GPC6: variants seen among roughly 807,000 people sequenced by gnomAD.
GPC6 encodes the protein glypican-6.
Under a neutral mutation model 55.2 loss-of-function variants are expected in GPC6, and 14 were observed. That is an observed-to-expected ratio of 0.25 (90% CI 0.17 to 0.40). GPC6 has a LOEUF of 0.40. Among genes scored for constraint, GPC6 ranks in the 10% least tolerant of loss-of-function variants. GPC6 has a pLI of 1.00. For missense variants in GPC6, 641 were observed against 708.5 expected (o/e 0.90, Z 1.08); for synonymous variants, 278 against 259.6 (o/e 1.07, Z -0.68).
chr13:94,361,437 A>G (rs1358506250), intron 6 of GPC6, among the ~76,000 whole-genome samples: 1 of 152,252 alleles, frequency 6.6e-6, no homozygotes, highest in Admixed American at 6.5e-5. Context: ...TCCTGAGGAC[A>G]GGGACTGTTT....
intron 4 of GPC6, among the ~76,000 whole-genome samples, chr13:94,158,372 T>C (rs9589917): frequency 0.047 from 3,790 of 81,502 alleles, 133 homozygotes; most frequent in African/African-American, 0.11. Context: ...CATATTTTGA[T>C]GATGCTTTAA....
At chr13:94,117,217 A>C (rs1482171527) in intron 4 of GPC6, among the ~76,000 whole-genome samples, 1 of 151,996 alleles carries the variant, frequency 6.6e-6, no homozygotes, top group African/African-American at 2.4e-5. Flanking sequence ...CTCATTATGG[A>C]CTCCACCTCA....
At chr13:93,598,099 G>A (rs367996917) in intron 2 of GPC6, among the ~76,000 whole-genome samples, 2 of 152,212 alleles carry the variant, frequency 1.3e-5, no homozygotes, top group East Asian at 1.9e-4. Context: ...AGCTGAGATC[G>A]TGCCACTGCA....
intron 2 of GPC6, among the ~76,000 whole-genome samples, chr13:93,577,903 G>A (rs1876740465): frequency 6.6e-6 from 1 of 151,916 alleles, no homozygotes. Flanking sequence ...AATTTGTTGC[G>A]GGTTTTTATC....
At chr13:94,214,129 A>G (rs1890162700) in intron 4 of GPC6, among the ~76,000 whole-genome samples, 1 of 152,174 alleles carries the variant, frequency 6.6e-6, no homozygotes, top group African/African-American at 2.4e-5. Flanking sequence ...TGCAGTAATA[A>G]TTTCATATTT....
At chr13:93,458,557 G>A (rs1474914823) in intron 1 of GPC6, among the ~76,000 whole-genome samples, 1 of 152,108 alleles carries the variant, frequency 6.6e-6, no homozygotes, top group Non-Finnish European at 1.5e-5. Flanking sequence ...AGATTGAATA[G>A]ATGTAATAAG....
intron 3 of GPC6, among the ~76,000 whole-genome samples, chr13:93,852,985 G>A (rs1056959388): frequency 6.6e-6 from 1 of 151,382 alleles, no homozygotes; most frequent in Non-Finnish European, 1.5e-5. Flanking sequence ...AATTTCAAGG[G>A]GATAAAATGG....
intron 2 of GPC6, among the ~76,000 whole-genome samples, chr13:93,672,609 T>G (rs1881410386): frequency 6.6e-6 from 1 of 151,752 alleles, no homozygotes; most frequent in Admixed American, 6.6e-5. Flanking sequence ...GAATTGGACT[T>G]CTTTCAAATA....
At chr13:93,941,935 A>T (rs951992577) in intron 3 of GPC6, among the ~76,000 whole-genome samples, 2 of 151,942 alleles carry the variant, frequency 1.3e-5, no homozygotes, top group Admixed American at 1.3e-4. Context: ...ATCAATTTTG[A>T]CTCTTATTAT....
At chr13:94,282,271 C>CAGGAAACTT (rs1184180965) in intron 4 of GPC6, among the ~76,000 whole-genome samples, 2 of 152,052 alleles carry the variant, frequency 1.3e-5, no homozygotes, top group African/African-American at 4.8e-5. Flanking sequence ...ATCATTTCCC[C>CAGGAAACTT]AGGAAACTTA....
At chr13:93,448,003 T>G (rs1035009231) in intron 1 of GPC6, among the ~76,000 whole-genome samples, 5 of 152,202 alleles carry the variant, frequency 3.3e-5, no homozygotes, top group Non-Finnish European at 5.9e-5. Context: ...TTTAATCTTG[T>G]ACATGATTCT....
At chr13:93,243,739 G>A (rs1876512713) in intron 1 of GPC6, among the ~76,000 whole-genome samples, 1 of 152,204 alleles carries the variant, frequency 6.6e-6, no homozygotes, top group African/African-American at 2.4e-5. Flanking sequence ...CTGGGTAGCT[G>A]GGGTGGTGTG....
At chr13:93,845,198 A>G (rs1888125166) in intron 3 of GPC6, among the ~76,000 whole-genome samples, 1 of 152,086 alleles carries the variant, frequency 6.6e-6, no homozygotes, top group African/African-American at 2.4e-5. Flanking sequence ...TTCTCAAAAG[A>G]AGACATTTAT....
chr13:93,783,828 C>A (rs1202238259), intron 2 of GPC6, among the ~76,000 whole-genome samples: 1 of 152,158 alleles, frequency 6.6e-6, no homozygotes, highest in Non-Finnish European at 1.5e-5. Flanking sequence ...TCTGTTCCCT[C>A]TCCTAGAATA....
intron 6 of GPC6, among the ~76,000 whole-genome samples, chr13:94,332,308 T>C (rs1877467171): frequency 6.6e-6 from 1 of 152,190 alleles, no homozygotes; most frequent in African/African-American, 2.4e-5. Flanking sequence ...CTGTAGTAAT[T>C]AGCCATCACC....
chr13:93,744,809 T>C (rs1266990171), intron 2 of GPC6, among the ~76,000 whole-genome samples: 7 of 151,646 alleles, frequency 4.6e-5, no homozygotes, highest in Admixed American at 3.3e-4. Flanking sequence ...GGAGCATGCT[T>C]GTAGTCCTAG....
At chr13:93,272,580 G>C (rs1877573342) in intron 1 of GPC6, among the ~76,000 whole-genome samples, 2 of 150,490 alleles carry the variant, frequency 1.3e-5, no homozygotes, top group African/African-American at 4.9e-5. Context: ...GCAAAACATG[G>C]ATTGTTGAAA....
chr13:93,566,151 G>T (rs187613363), intron 2 of GPC6, among the ~76,000 whole-genome samples: 21 of 152,302 alleles, frequency 1.4e-4, no homozygotes, highest in African/African-American at 4.8e-4. Context: ...TGAAGAGGCA[G>T]AGATATGCTG....
At chr13:93,252,851 C>A (rs1169655670) in intron 1 of GPC6, among the ~76,000 whole-genome samples, 8 of 152,218 alleles carry the variant, frequency 5.3e-5, no homozygotes, top group Admixed American at 5.2e-4. Context: ...ACCTTCCAGA[C>A]AACTTTCAGT....
Sources: gnomAD v4.1 joint callset for allele counts (sites outside exome capture counted in the v4.1 genomes callset) on GRCh38, gnomAD v4.1.1 for gene constraint, MANE v1.5 for transcripts, NCBI Gene and HGNC (gene_info 2026-07-23, HGNC 2026-07-21) for gene names.